Variants in PDE1A observed in about 807,000 individuals in gnomAD.
PDE1A encodes the protein dual specificity calcium/calmodulin-dependent 3',5'-cyclic nucleotide phosphodiesterase 1A.
PDE1A carries 35 observed loss-of-function variants against 61.7 expected under a neutral mutation model. That is an observed-to-expected ratio of 0.57 (90% CI 0.43 to 0.75). PDE1A has a LOEUF of 0.75. Among genes scored for constraint, PDE1A ranks in the 30% least tolerant of loss-of-function variants. PDE1A has a pLI of 0.00. For synonymous variants in PDE1A, 232 were observed against 213.2 expected (o/e 1.09, Z -0.77); for missense variants, 597 against 630.6 (o/e 0.95, Z 0.57).
At chr2:182,703,488 T>A in the PDE1A span, among the ~76,000 whole-genome samples, 1 of 152,012 alleles carries the variant, frequency 6.6e-6, no homozygotes, top group East Asian at 1.9e-4. Flanking sequence ...AGCTCCCGGG[T>A]TGGGTAAAAT....
At chr2:182,219,457 AG>A (rs1202785265) in intron 7 of PDE1A, among the ~76,000 whole-genome samples, 1 of 152,116 alleles carries the variant, frequency 6.6e-6, no homozygotes, top group Non-Finnish European at 1.5e-5. Flanking sequence ...GTGGAATGGA[AG>A]CAAAATCACT....
chr2:182,213,206 C>A (rs1431672971), intron 7 of PDE1A, among the ~76,000 whole-genome samples: 3 of 149,448 alleles, frequency 2.0e-5, no homozygotes, highest in African/African-American at 7.4e-5. Context: ...AGCTGAGGGT[C>A]CTGTCTGTTA....
chr2:182,605,550 T>A, the PDE1A span, among the ~76,000 whole-genome samples: 1 of 152,212 alleles, frequency 6.6e-6, no homozygotes, highest in African/African-American at 2.4e-5. Flanking sequence ...CCTCGTGAAA[T>A]ACGGGTAAGA....
At chr2:182,372,051 C>T (rs2125250074) in intron 1 of PDE1A, among the ~76,000 whole-genome samples, 1 of 152,352 alleles carries the variant, frequency 6.6e-6, no homozygotes, top group East Asian at 1.9e-4. Context: ...CCACCTCAGC[C>T]TCCCAAAGTG....
At chr2:182,211,453 G>C (rs2125532825) in intron 7 of PDE1A, among the ~76,000 whole-genome samples, 1 of 152,264 alleles carries the variant, frequency 6.6e-6, no homozygotes, top group Non-Finnish European at 1.5e-5. Context: ...GGTAGTGTCA[G>C]TCCTCCAACT....
At chr2:182,580,860 AT>A in the PDE1A span, among the ~76,000 whole-genome samples, 1 of 152,000 alleles carries the variant, frequency 6.6e-6, no homozygotes, top group Non-Finnish European at 1.5e-5. Flanking sequence ...AAGATAAGTA[AT>A]TTTTGTCCCT....
At chr2:182,627,412 A>AAT in the PDE1A span, among the ~76,000 whole-genome samples, 1 of 107,750 alleles carries the variant, frequency 9.3e-6, no homozygotes, top group East Asian at 2.5e-4. Context: ...ATTTAATATA[A>AAT]ATATATATTA....
At chr2:182,264,208 T>C (rs1233106378) in intron 2 of PDE1A, 93 bp downstream of exon 2, 2 of 799,522 alleles carry the variant, frequency 2.5e-6, no homozygotes, top group Non-Finnish European at 2.0e-6. Context: ...GAAGATATGC[T>C]AAATTCCTGT....
chr2:182,218,274 TC>T (rs1385060475), intron 7 of PDE1A, among the ~76,000 whole-genome samples: 3 of 81,346 alleles, frequency 3.7e-5, no homozygotes, highest in African/African-American at 1.5e-4. Flanking sequence ...TGTTGTGGGG[TC>T]GGGGGAGGGG....
chr2:182,583,489 T>G, the PDE1A span, among the ~76,000 whole-genome samples: 1 of 152,188 alleles, frequency 6.6e-6, no homozygotes, highest in Non-Finnish European at 1.5e-5. Flanking sequence ...GATGCCTTGC[T>G]CTAAGTTGTA....
chr2:182,351,667 C>T (rs1698886769), intron 1 of PDE1A, among the ~76,000 whole-genome samples: 1 of 152,208 alleles, frequency 6.6e-6, no homozygotes, highest in Non-Finnish European at 1.5e-5. Context: ...AGCGTTGGCA[C>T]TTTACCGTGA....
downstream of PDE1A, among the ~76,000 whole-genome samples, chr2:182,145,288 T>TGAAGGCA (rs1690435823): frequency 6.6e-6 from 1 of 152,082 alleles, no homozygotes; most frequent in South Asian, 2.1e-4. Flanking sequence ...AGATCACATT[T>TGAAGGCA]CCCAGAAGAC....
intron 13 of PDE1A, among the ~76,000 whole-genome samples, chr2:182,172,955 G>A (rs1362866673): frequency 6.6e-6 from 1 of 151,968 alleles, no homozygotes; most frequent in African/African-American, 2.4e-5. Context: ...AACATTCCAG[G>A]GTACAACAGT....
chr2:182,576,052 G>A, the PDE1A span, among the ~76,000 whole-genome samples: 11 of 151,008 alleles, frequency 7.3e-5, no homozygotes, highest in African/African-American at 2.4e-4. Flanking sequence ...TTTAAAAATT[G>A]TGATAAAATG....
chr2:182,331,568 G>C (rs1428431068), intron 1 of PDE1A, among the ~76,000 whole-genome samples: 1 of 152,130 alleles, frequency 6.6e-6, no homozygotes, highest in Admixed American at 6.5e-5. Flanking sequence ...CTCAGCATTT[G>C]CTTGTCTGTA....
chr2:182,473,616 T>C (rs774032563), intron 2 of PDE1A, among the ~76,000 whole-genome samples: 2 of 151,734 alleles, frequency 1.3e-5, no homozygotes, highest in Non-Finnish European at 2.9e-5. Flanking sequence ...TCATTAGTTA[T>C]TTTTCCTGAT....
At chr2:182,258,773 A>T (rs1692008285) in intron 2 of PDE1A, among the ~76,000 whole-genome samples, 1 of 152,186 alleles carries the variant, frequency 6.6e-6, no homozygotes, top group Non-Finnish European at 1.5e-5. Flanking sequence ...CTGACTCTGT[A>T]TAAATTCTTA....
the PDE1A span, among the ~76,000 whole-genome samples, chr2:182,609,645 G>A: frequency 6.6e-6 from 1 of 152,206 alleles, no homozygotes; most frequent in South Asian, 2.1e-4. Flanking sequence ...CCCACCAGAA[G>A]GAACAAACTC....
chr2:182,347,865 A>T (rs1698611482), intron 1 of PDE1A, among the ~76,000 whole-genome samples: 1 of 152,164 alleles, frequency 6.6e-6, no homozygotes, highest in South Asian at 2.1e-4. Flanking sequence ...GGAGCATAAA[A>T]ACTGAAAATT....
Sources: allele counts gnomAD v4.1 joint callset (sites outside exome capture counted in the v4.1 genomes callset), GRCh38; gene constraint gnomAD v4.1.1; transcripts MANE v1.5; gene names NCBI Gene and HGNC (gene_info 2026-07-23, HGNC 2026-07-21).